TAX1BP1: variants seen among roughly 807,000 people sequenced by gnomAD.
The protein encoded by TAX1BP1 is tax1-binding protein 1.
TAX1BP1 carries 62 observed loss-of-function variants against 97.7 expected under a neutral mutation model. That is an observed-to-expected ratio of 0.63 (90% CI 0.52 to 0.78). The LOEUF is 0.78. Ranked by LOEUF, TAX1BP1 falls within the 30% of genes least tolerant of loss-of-function variation. The pLI is 0.00. For missense variants in TAX1BP1, 867 were observed against 916.1 expected, an observed-to-expected ratio of 0.95 and a Z score of 0.69; for synonymous variants, 340 against 304.2, an observed-to-expected ratio of 1.12 and a Z score of -1.23.
At chr7:27,770,145 A>G (rs573212866) in intron 5 of TAX1BP1, among the ~76,000 whole-genome samples, 31 of 152,254 alleles carry the variant, frequency 2.0e-4, no homozygotes, top group Non-Finnish European at 3.4e-4. Flanking sequence ...AAATACAATT[A>G]GAAATGATAA....
chr7:27,756,191 A>G (rs561871012), intron 2 of TAX1BP1, among the ~76,000 whole-genome samples: 160 of 152,250 alleles, frequency 1.1e-3, no homozygotes, highest in African/African-American at 3.7e-3. Context: ...TTCCAGTATT[A>G]TCCACTCTAG....
chr7:27,794,327 A>G lies in TAX1BP1; in HGVS notation c.1415A>G (p.Asn472Ser), dbSNP rs1378923136. Residue 472 changes from asparagine (N) to serine (S), a missense_variant, in exon 11 of 17, where the codon AAT becomes AGT. Asn to Ser is a conservative substitution (Grantham distance 46, BLOSUM62 1). Coordinates refer to ENST00000396319, the MANE Select transcript of TAX1BP1 (RefSeq NM_006024.7). ...QINKLSDQSA[N>S]NNNVFTKKTG... ...ACTTATTAACATTTTGAATAGGCTA[A>G]TAATAATAATGTCTTCACAAAGAAA... 1.2e-6 allele frequency: 2 copies of G among 1,602,594 alleles called. No homozygotes were observed. The highest frequency in any genetic ancestry group is 4.5e-5 in the East Asian group (2 of 44,596).
chr7:27,758,141 C>T lies in TAX1BP1; in HGVS notation c.265+8C>T, dbSNP rs1254462896. On this transcript the variant is annotated splice_region_variant and intron_variant, in intron 3 of 16. Transcript: ENST00000396319. Reference sequence around the variant, plus strand: ...GTGTACTAGCATTCCAAGGTAAGGACTGAAAACTGCAGAACTCAATGAAAC... The same window carrying T: ...GTGTACTAGCATTCCAAGGTAAGGATTGAAAACTGCAGAACTCAATGAAAC... The T allele has an allele frequency of 4.4e-6, 7 of 1,590,888 alleles. No homozygotes were observed. The highest frequency in any genetic ancestry group is 6.0e-6 in the Non-Finnish European group (7 of 1,163,376).
intron 12 of TAX1BP1, among the ~76,000 whole-genome samples, chr7:27,797,839 G>A (rs1789994152): frequency 6.9e-6 from 1 of 145,890 alleles, no homozygotes; most frequent in Admixed American, 6.8e-5. Context: ...ACCTTCCTCA[G>A]GGTGCTTTTT....
chr7:27,768,079 A>G (rs2128312063), intron 4 of TAX1BP1, among the ~76,000 whole-genome samples: 1 of 152,106 alleles, frequency 6.6e-6, no homozygotes, highest in South Asian at 2.1e-4. Flanking sequence ...ATATTTGACT[A>G]TGGCCTATTG....
Position 27,766,012 on chromosome 7 carries a change from C to A in TAX1BP1, c.444C>A (p.Gly148=). Residue 148 remains glycine (G), a synonymous_variant, in exon 4 of 17, where the codon GGC becomes GGA. Coordinates refer to ENST00000396319, the MANE Select transcript of TAX1BP1 (RefSeq NM_006024.7). Reference sequence around the variant, plus strand: ...TGTTAGTGGTGACCACAAAAGCAGGCCTTCTTGAGGTTGGTGTTCACAGTG... The same window carrying A: ...TGTTAGTGGTGACCACAAAAGCAGGACTTCTTGAGGTTGGTGTTCACAGTG... ...SDMLVVTTKA[G]LLELKIEKTM... 6.2e-7 allele frequency: 1 copy of A among 1,613,190 alleles called. No individual in the cohort carries two copies. The highest frequency in any genetic ancestry group is 8.5e-7 in the Non-Finnish European group (1 of 1,179,624).
rs1245793154 is a variant in TAX1BP1 at position 27,765,998 on chromosome 7, A to T, written c.430A>T (p.Thr144Ser). The change falls in exon 4 of 17, where the codon ACC becomes TCC. Residue 144 changes from threonine (T) to serine (S), a missense_variant. Thr to Ser is a moderately conservative substitution (Grantham distance 58). Transcript: ENST00000396319. ...DEGNSDMLVV[T>S]TKAGLLELKI... ...AGGAAATTCTGACATGTTAGTGGTG[A>T]CCACAAAAGCAGGCCTTCTTGAGGT... 6.2e-7 allele frequency: 1 copy of T among 1,614,030 alleles called. No individual in the cohort carries two copies. Among genetic ancestry groups the T allele is most frequent in the South Asian group, 1.1e-5 (1 of 91,060 alleles).
rs906845144 is a variant in TAX1BP1 at position 27,758,177 on chromosome 7, A to C, written c.265+44A>C. 3.5e-6 allele frequency: 5 copies of C among 1,442,862 alleles called. No homozygotes were observed. In the African/African-American group the frequency reaches 7.0e-5, roughly 20 times the overall value. 89.4% of individuals were successfully genotyped at this position (1,442,862 alleles called of 1,614,324 possible). A position where few individuals can be genotyped will look rare whatever the true frequency, so the allele number is the denominator to read the frequency against. ...AGAACTCAATGAAACTAGATGTCTTATTGCCATTAAAGATGTTGTACTCCA... is the reference window on the plus strand; with the variant it reads ...AGAACTCAATGAAACTAGATGTCTTCTTGCCATTAAAGATGTTGTACTCCA... On this transcript the variant is annotated intron_variant, in intron 3 of 16. Coordinates refer to ENST00000396319, the MANE Select transcript of TAX1BP1 (RefSeq NM_006024.7).
intron 8 of TAX1BP1, among the ~76,000 whole-genome samples, chr7:27,789,334 A>G (rs190674513): frequency 1.3e-5 from 2 of 151,820 alleles, no homozygotes; most frequent in Admixed American, 6.6e-5. Context: ...TGAATATGTA[A>G]AACAGTTGCT....
rs1445468365 is a variant in TAX1BP1 at position 27,796,135 on chromosome 7, A to G, written c.1554A>G (p.Ile518Met). Residue 518 changes from isoleucine (I) to methionine (M), a missense_variant, in exon 12 of 17, where the codon ATA (isoleucine) becomes ATG (methionine). Coordinates refer to ENST00000396319, the MANE Select transcript of TAX1BP1 (RefSeq NM_006024.7). Reference sequence around the variant, plus strand: ...CTACAGCAGAGGCAGATTTTGACATAGTAACAAAGGGGCAAGTCTGTGAAA... The same window carrying G: ...CTACAGCAGAGGCAGATTTTGACATGGTAACAAAGGGGCAAGTCTGTGAAA... ...SPSAAEADFD[I>M]VTKGQVCEMT... 1.9e-6 allele frequency: 3 copies of G among 1,606,494 alleles called. No homozygotes were observed. Among genetic ancestry groups the G allele is most frequent in the South Asian group, 2.3e-5 (2 of 88,642 alleles).
At position 27,765,972 on chromosome 7, in the gene TAX1BP1, A is replaced by T. The variant is rs780687131; in HGVS notation, c.404A>T (p.Glu135Val). 4 of 1,614,180 alleles carry T rather than the reference A, an allele frequency of 2.5e-6. No homozygotes were observed. The South Asian group carries it at 4.4e-5, about 18-fold the overall frequency. ...PVEELLTMED[E>V]GNSDMLVVTT... ...GAAGAGCTGCTTACTATGGAAGATG[A>T]AGGAAATTCTGACATGTTAGTGGTG... The change falls in exon 4 of 17, where the codon GAA becomes GTA. Residue 135 changes from glutamate (E) to valine (V), a missense_variant. Glu to Val is a moderately radical substitution (Grantham distance 121). Coordinates refer to ENST00000396319, the MANE Select transcript of TAX1BP1 (RefSeq NM_006024.7).
chr7:27,798,151 A>G (rs1216228173), intron 12 of TAX1BP1, among the ~76,000 whole-genome samples: 1 of 152,116 alleles, frequency 6.6e-6, no homozygotes, highest in Non-Finnish European at 1.5e-5. Context: ...TTTGAGATTT[A>G]TTCATATTAT....
At chr7:27,819,508 G>T (rs1346621775) in intron 15 of TAX1BP1, among the ~76,000 whole-genome samples, 1 of 152,170 alleles carries the variant, frequency 6.6e-6, no homozygotes, top group Non-Finnish European at 1.5e-5. Context: ...GGCATTGAAA[G>T]GAATGTGTAG....
chr7:27,811,661 A>G (rs1790564428), intron 13 of TAX1BP1, among the ~76,000 whole-genome samples: 1 of 151,886 alleles, frequency 6.6e-6, no homozygotes, highest in South Asian at 2.1e-4. Flanking sequence ...GAGTTTGATG[A>G]CTTTTGGCAA....
chr7:27,766,007 G>A lies in TAX1BP1; in HGVS notation c.439G>A (p.Ala147Thr). The change falls in exon 4 of 17, where the codon GCA becomes ACA. Residue 147 changes from alanine to threonine, a missense_variant. Around this residue, in one of 3 missense-constraint regions of TAX1BP1, gnomAD observed 822 missense variants for 851.4 expected, o/e 0.97. Coordinates refer to ENST00000396319, the MANE Select transcript of TAX1BP1 (RefSeq NM_006024.7). ...TGACATGTTAGTGGTGACCACAAAA[G>A]CAGGCCTTCTTGAGGTTGGTGTTCA... is the stretch of plus-strand genomic sequence containing the variant. ...NSDMLVVTTK[A>T]GLLELKIEKT... 1 of 1,613,778 alleles carries A rather than the reference G, an allele frequency of 6.2e-7. No homozygotes were observed. Among genetic ancestry groups the A allele is most frequent in the Non-Finnish European group, 8.5e-7 (1 of 1,179,872 alleles).
intron 2 of TAX1BP1, among the ~76,000 whole-genome samples, chr7:27,755,167 A>G (rs774458504): frequency 1.3e-5 from 2 of 152,112 alleles, no homozygotes; most frequent in Non-Finnish European, 2.9e-5. Context: ...GCTTCTACCC[A>G]TTGTACTCCT....
At chr7:27,828,588 T>C in intron 16 of TAX1BP1, 40 bp from the exon 17 acceptor site, 2 of 1,592,406 alleles carry the variant, frequency 1.3e-6, no homozygotes, top group Non-Finnish European at 1.7e-6. Context: ...TTGTTCTACA[T>C]TTATTAGAAA....
chr7:27,752,628 G>A (rs1411441554), intron 2 of TAX1BP1, among the ~76,000 whole-genome samples: 1 of 152,130 alleles, frequency 6.6e-6, no homozygotes, highest in Non-Finnish European at 1.5e-5. Context: ...ATATAGACTG[G>A]GTTGGAGGTT....
At chr7:27,747,879 A>T (rs1035320412) in intron 1 of TAX1BP1, among the ~76,000 whole-genome samples, 8 of 150,194 alleles carry the variant, frequency 5.3e-5, no homozygotes, top group African/African-American at 7.5e-5. Context: ...TTTTTTTTTT[A>T]AAGGCCCCTA....
Sources: gnomAD v4.1 joint callset for allele counts (sites outside exome capture counted in the v4.1 genomes callset) on GRCh38, gnomAD v4.1.1 for gene constraint, gnomAD v4.1.1 regional missense constraint, MANE v1.5 for transcripts, NCBI Gene and HGNC (gene_info 2026-07-23, HGNC 2026-07-21) for gene names.